The following PCDHGA5 variants were observed in gnomAD, a reference collection of about 807,000 sequenced individuals.
PCDHGA5 encodes the protein protocadherin gamma subfamily A, 5.
Under a neutral mutation model 56.7 loss-of-function variants are expected in PCDHGA5, and 36 were observed. That is an observed-to-expected ratio of 0.64 (90% confidence interval 0.49 to 0.84). PCDHGA5 has a LOEUF of 0.84. PCDHGA5 is among the 40% of genes least tolerant of loss of function. The probability of loss-of-function intolerance (pLI) is 0.00; values close to 1 mark genes in which losing one functional copy is unlikely to be tolerated. For missense variants in PCDHGA5, 1,305 were observed against 1,201.5 expected (o/e 1.09, Z -1.27); for synonymous variants, 563 against 520.2 (o/e 1.08, Z -1.12).
intron 3 of PCDHGA5, among the ~76,000 whole-genome samples, chr5:141,508,837 A>C (rs1596180024): frequency 6.7e-6 from 1 of 149,276 alleles, no homozygotes; most frequent in Non-Finnish European, 1.5e-5. Context: ...CCCCTCCCCT[A>C]CCCCTTCCAT....
At chr5:141,472,980 CAAAA>C (rs60579131) in intron 1 of PCDHGA5, among the ~76,000 whole-genome samples, 3 of 86,106 alleles carry the variant, frequency 3.5e-5, no homozygotes, top group Admixed American at 1.2e-4. Context: ...GAGTGAAACT[CAAAA>C]AAAAAAAAAA....
chr5:141,493,983 A>G lies in PCDHGA5; in HGVS notation c.2422-824A>G, dbSNP rs2099751203. Among the ~76,000 whole-genome samples the G allele has an allele frequency of 6.6e-6, 1 of 152,194 alleles. No homozygotes were observed. The highest frequency in any genetic ancestry group is 6.5e-5 in the Admixed American group (1 of 15,278). ...TGGCTGGCCAGAGCCCCACACCTTC[A>G]GCTAGGTGGGAGATGGCTACACATC... On this transcript the variant is annotated intron_variant, in intron 1 of 3. Coordinates refer to ENST00000518069, the MANE Select transcript of PCDHGA5 (RefSeq NM_018918.3). The surrounding 1 kb of genome is among the most constrained non-coding windows in gnomAD (Gnocchi z 4.3).
At chr5:141,393,285 G>A (rs771057124) in intron 1 of PCDHGA5, 2 of 1,613,966 alleles carry the variant, frequency 1.2e-6, no homozygotes, top group Non-Finnish European at 1.7e-6. Context: ...CCCAGAAGCT[G>A]TTGACCCGGA....
chr5:141,383,611 C>A lies in PCDHGA5; in HGVS notation c.2421+16860C>A, dbSNP rs757490099. ...GGTGACAGTGGTGGATGTGAATGAC[C>A]ACACGCCTGTCTTCTCTCTGCCTCA... On this transcript the variant is annotated intron_variant, in intron 1 of 3. Coordinates refer to ENST00000518069, the MANE Select transcript of PCDHGA5 (RefSeq NM_018918.3). 8 of 1,613,656 alleles carry A rather than the reference C, an allele frequency of 5.0e-6. No individual in the cohort carries two copies. The Admixed American group carries it at 1.3e-4, about 27-fold the overall frequency.
At chr5:141,374,954 A>C in intron 1 of PCDHGA5, 1 of 1,613,990 alleles carries the variant, frequency 6.2e-7, no homozygotes, top group Non-Finnish European at 8.5e-7. Flanking sequence ...GATCTCACAA[A>C]TTTTCTGTTT....
chr5:141,370,392 G>GGGATGGGAAATAGCTCC, intron 1 of PCDHGA5: 1 of 1,544,790 alleles, frequency 6.5e-7, no homozygotes, highest in Non-Finnish European at 8.7e-7. Context: ...CGCAGAGAGC[G>GGGATGGGAAATAGCTCC]GGATGGGAAA....
chr5:141,384,444 C>T lies in PCDHGA5; in HGVS notation c.2421+17693C>T, dbSNP rs751427123. 2.5e-5 allele frequency: 41 copies of T among 1,613,906 alleles called. No individual in the cohort carries two copies. The Admixed American group carries it at 5.0e-4, about 20-fold the overall frequency. ...TAAACTCTGACACTGGAGTCCTGTA[C>T]GCGCTGCAATCCTTTGATTATGAGC... On this transcript the variant is annotated intron_variant, in intron 1 of 3. Transcript: ENST00000518069.
chr5:141,489,794 T>TA lies in PCDHGA5; in HGVS notation c.2422-5009dup. The TA allele has an allele frequency of 1.2e-6, 2 of 1,614,120 alleles. No homozygotes were observed. The highest frequency in any genetic ancestry group is 2.2e-5 in the South Asian group (2 of 91,076). The stretch of plus-strand genomic sequence containing the variant: ...CACTTCTCTCTGAATGTGAAGACCC[T>TA]AAAAGATGGGAAGCCATTCCCAGAG... On this transcript the variant is annotated intron_variant, in intron 1 of 3. Transcript: ENST00000518069. This position sits in a 1 kb window ranked among gnomAD's most constrained non-coding sequence, Gnocchi z 4.5.
chr5:141,486,140 C>T lies in PCDHGA5; in HGVS notation c.2422-8667C>T, dbSNP rs759476505. On this transcript the variant is annotated intron_variant, in intron 1 of 3. Coordinates refer to ENST00000518069, the MANE Select transcript of PCDHGA5 (RefSeq NM_018918.3). The surrounding 1 kb of genome is among the most constrained non-coding windows in gnomAD (Gnocchi z 5.0). ...TTACTATGAATTTGATGTGCGGGCT[C>T]GCGATGGGGGTTCTCCAGCCATGGA... 1 of 1,614,164 alleles carries T rather than the reference C, an allele frequency of 6.2e-7. No individual in the cohort carries two copies. The highest frequency in any genetic ancestry group is 1.3e-5 in the African/African-American group (1 of 75,030).
chr5:141,389,269 A>G, intron 1 of PCDHGA5: 2 of 1,613,976 alleles, frequency 1.2e-6, no homozygotes, highest in Non-Finnish European at 1.7e-6. Flanking sequence ...GTGGCCGAGA[A>G]CAACCCGCCT....
intron 1 of PCDHGA5, chr5:141,391,117 G>C (rs1180056630): frequency 6.6e-6 from 1 of 152,054 alleles, no homozygotes; most frequent in African/African-American, 2.4e-5. Flanking sequence ...TATAGCTAGA[G>C]GTCTTCTAAT....
intron 1 of PCDHGA5, chr5:141,383,938 G>A: frequency 6.2e-7 from 1 of 1,613,866 alleles, no homozygotes; most frequent in Non-Finnish European, 8.5e-7. Context: ...TGCTCCAGAA[G>A]TGACTATGAC....
chr5:141,390,158 A>G, intron 1 of PCDHGA5: 1 of 1,614,042 alleles, frequency 6.2e-7, no homozygotes, highest in Non-Finnish European at 8.5e-7. Context: ...CACATACAGG[A>G]AAGACGGAGT....
rs756627468 is a variant in PCDHGA5, at chr5:141,370,720, T to A, written c.2421+3969T>A. On this transcript the variant is annotated intron_variant, in intron 1 of 3. Transcript: ENST00000518069. Reference sequence around the variant, plus strand: ...ACGTGTGTTCTGGAATTTGAAATGGTTGCTGAAAAGCCTTTAAACTTTTTT... The same window carrying A: ...ACGTGTGTTCTGGAATTTGAAATGGATGCTGAAAAGCCTTTAAACTTTTTT... 4.3e-6 allele frequency: 7 copies of A among 1,613,868 alleles called. No homozygotes were observed. The South Asian group carries it at 7.7e-5, about 18-fold the overall frequency.
At chr5:141,478,617 G>T in intron 1 of PCDHGA5, 1 of 1,556,398 alleles carries the variant, frequency 6.4e-7, no homozygotes, top group South Asian at 1.2e-5. Context: ...AGGAAGGAAT[G>T]GAGCTGTTTT....
At chr5:141,422,849 C>G in intron 1 of PCDHGA5, 1 of 1,614,238 alleles carries the variant, frequency 6.2e-7, no homozygotes, top group East Asian at 2.2e-5. Flanking sequence ...AGCGGGGACC[C>G]GCCCCTCAGC....
intron 1 of PCDHGA5, among the ~76,000 whole-genome samples, chr5:141,467,950 C>T (rs780236016): frequency 2.6e-5 from 4 of 152,290 alleles, no homozygotes; most frequent in Admixed American, 6.5e-5. Context: ...TGAGCCACCA[C>T]ACCCGGCTGC....
intron 1 of PCDHGA5, chr5:141,378,346 A>T (rs761383288): frequency 2.0e-5 from 3 of 152,252 alleles, no homozygotes; most frequent in Non-Finnish European, 2.9e-5. Context: ...AACATGGTGA[A>T]ACCCCGTCTC....
intron 1 of PCDHGA5, among the ~76,000 whole-genome samples, chr5:141,436,531 G>A (rs1365651055): frequency 2.6e-5 from 4 of 152,152 alleles, no homozygotes; most frequent in South Asian, 2.1e-4. Flanking sequence ...CCTTTAGCAA[G>A]TTATTTAATC....
Sources: allele counts gnomAD v4.1 joint callset (sites outside exome capture counted in the v4.1 genomes callset), GRCh38; gene constraint gnomAD v4.1.1; non-coding constraint Gnocchi (gnomAD v3.1); transcripts MANE v1.5; gene names NCBI Gene and HGNC (gene_info 2026-07-23, HGNC 2026-07-21).